HEMK2: variants seen among roughly 807,000 people sequenced by gnomAD.
HEMK2 encodes HemK methyltransferase 2, ETF1 glutamine and histone H4 lysine.
At chr21:28,634,222 G>A in the HEMK2 span, among the ~76,000 whole-genome samples, 5 of 152,180 alleles carry the variant, frequency 3.3e-5, no homozygotes, top group East Asian at 3.9e-4. Flanking sequence ...CTTTTCTCAC[G>A]GGGATCCAGC....
chr21:28,802,392 A>T, the HEMK2 span, among the ~76,000 whole-genome samples: 1 of 152,216 alleles, frequency 6.6e-6, no homozygotes, highest in Non-Finnish European at 1.5e-5. Context: ...TAAAAAACTA[A>T]TAATACCAGT....
the HEMK2 span, among the ~76,000 whole-genome samples, chr21:28,661,820 C>G: frequency 2.6e-5 from 4 of 152,202 alleles, no homozygotes; most frequent in African/African-American, 9.6e-5. Context: ...AACTGAGAAA[C>G]AGTTTTTATA....
At chr21:28,730,455 G>A in the HEMK2 span, among the ~76,000 whole-genome samples, 2 of 136,168 alleles carry the variant, frequency 1.5e-5, no homozygotes, top group East Asian at 2.2e-4. Flanking sequence ...ATCTGGGTAC[G>A]GCATGGCTTC....
the HEMK2 span, among the ~76,000 whole-genome samples, chr21:28,662,457 C>G: frequency 6.6e-6 from 1 of 152,132 alleles, no homozygotes; most frequent in African/African-American, 2.4e-5. Context: ...GGTCCAGGCA[C>G]CATGAAGCCA....
chr21:28,625,173 T>C, the HEMK2 span, among the ~76,000 whole-genome samples: 1 of 152,170 alleles, frequency 6.6e-6, no homozygotes, highest in Non-Finnish European at 1.5e-5. Context: ...AAAGGAGAGA[T>C]TAGATGCAAA....
the HEMK2 span, among the ~76,000 whole-genome samples, chr21:28,814,749 G>A: frequency 0.086 from 13,019 of 151,932 alleles, 1,311 homozygotes; most frequent in African/African-American, 0.23. Context: ...TGGAGAGGAT[G>A]TGGAGAAATA....
chr21:28,724,758 C>G, the HEMK2 span, among the ~76,000 whole-genome samples: 1 of 152,074 alleles, frequency 6.6e-6, no homozygotes, highest in Admixed American at 6.6e-5. Flanking sequence ...TTCTTCACTA[C>G]ATGTATCAGG....
chr21:28,792,991 A>G, the HEMK2 span, among the ~76,000 whole-genome samples: 1 of 152,244 alleles, frequency 6.6e-6, no homozygotes, highest in East Asian at 1.9e-4. Flanking sequence ...ACTTGGATTT[A>G]TAATTACCAC....
At chr21:28,614,376 G>A in the HEMK2 span, among the ~76,000 whole-genome samples, 2 of 151,020 alleles carry the variant, frequency 1.3e-5, no homozygotes, top group East Asian at 3.9e-4. Context: ...TGTTAGTTAG[G>A]ATTACTTTTG....
At chr21:28,732,454 T>A in the HEMK2 span, among the ~76,000 whole-genome samples, 8 of 152,310 alleles carry the variant, frequency 5.3e-5, no homozygotes, top group South Asian at 1.5e-3. Context: ...ATGTCCCAGG[T>A]CACATAGCAT....
the HEMK2 span, among the ~76,000 whole-genome samples, chr21:28,590,516 C>T: frequency 6.6e-6 from 1 of 152,124 alleles, no homozygotes; most frequent in African/African-American, 2.4e-5. Flanking sequence ...TAATGGTATA[C>T]TGATCATGAA....
At chr21:28,672,843 C>G in the HEMK2 span, among the ~76,000 whole-genome samples, 1 of 152,040 alleles carries the variant, frequency 6.6e-6, no homozygotes, top group African/African-American at 2.4e-5. Context: ...TGAGCTAAGT[C>G]TCAGCTCTTC....
the HEMK2 span, among the ~76,000 whole-genome samples, chr21:28,862,592 T>C: frequency 3.3e-5 from 4 of 121,776 alleles, no homozygotes; most frequent in African/African-American, 8.1e-5. Flanking sequence ...TGAGCTGAGA[T>C]TGCGCCACTG....
chr21:28,592,443 T>C, the HEMK2 span, among the ~76,000 whole-genome samples: 1 of 152,210 alleles, frequency 6.6e-6, no homozygotes, highest in Non-Finnish European at 1.5e-5. Flanking sequence ...AAAAACTGCC[T>C]GTAGACAATA....
chr21:28,596,249 C>A, the HEMK2 span, among the ~76,000 whole-genome samples: 1 of 152,016 alleles, frequency 6.6e-6, no homozygotes, highest in Non-Finnish European at 1.5e-5. Context: ...AATCTCCTGA[C>A]CTTGTGATCC....
the HEMK2 span, among the ~76,000 whole-genome samples, chr21:28,830,295 G>A: frequency 1.3e-5 from 2 of 152,094 alleles, no homozygotes; most frequent in African/African-American, 4.8e-5. Flanking sequence ...CCTTGCTCTT[G>A]CGATAGTAAG....
At chr21:28,714,346 A>T in the HEMK2 span, among the ~76,000 whole-genome samples, 1 of 152,242 alleles carries the variant, frequency 6.6e-6, no homozygotes, top group South Asian at 2.1e-4. Context: ...CAAAGATGCA[A>T]TAAATTGAGA....
the HEMK2 span, among the ~76,000 whole-genome samples, chr21:28,880,353 TG>T: frequency 1.3e-5 from 2 of 152,260 alleles, no homozygotes; most frequent in African/African-American, 4.8e-5. Context: ...CATTATTTAC[TG>T]GATACTGTTC....
At chr21:28,860,483 A>T in the HEMK2 span, among the ~76,000 whole-genome samples, 204 of 148,900 alleles carry the variant, frequency 1.4e-3, no homozygotes, top group African/African-American at 4.7e-3. Flanking sequence ...TATATAATAC[A>T]TATATAAATA....
Sources: allele counts gnomAD v4.1 joint callset (sites outside exome capture counted in the v4.1 genomes callset), GRCh38; gene constraint gnomAD v4.1.1; transcripts MANE v1.5; gene names NCBI Gene and HGNC (gene_info 2026-07-23, HGNC 2026-07-21).